The following ASIC2 variants were observed in gnomAD, a reference collection of about 807,000 sequenced individuals.
The protein encoded by ASIC2 is acid sensing ion channel subunit 2, also known as acid-sensing ion channel 2.
ASIC2 carries 25 observed loss-of-function variants against 57.3 expected under a neutral mutation model. The observed-to-expected ratio is 0.44, with a 90% CI of 0.32 to 0.61. ASIC2 has a LOEUF of 0.61. Ranked by LOEUF, ASIC2 falls within the 20% of genes least tolerant of loss-of-function variation. ASIC2 has a pLI of 0.06. For missense variants in ASIC2, 641 were observed against 738.1 expected, an observed-to-expected ratio of 0.87 and a Z score of 1.52; for synonymous variants, 319 against 307.5, an observed-to-expected ratio of 1.04 and a Z score of -0.39.
At chr17:33,118,671 T>G (rs1173840211) in intron 1 of ASIC2, among the ~76,000 whole-genome samples, 1 of 152,118 alleles carries the variant, frequency 6.6e-6, no homozygotes, top group African/African-American at 2.4e-5. Flanking sequence ...ACTTCTTATT[T>G]TGCACCTGGG....
intron 1 of ASIC2, among the ~76,000 whole-genome samples, chr17:33,907,570 A>G (rs968073938): frequency 3.3e-5 from 5 of 152,050 alleles, no homozygotes; most frequent in African/African-American, 9.7e-5. Flanking sequence ...CCTCTCTACC[A>G]TGAGCCCACC....
chr17:33,014,616 C>G (rs928701849), intron 9 of ASIC2, among the ~76,000 whole-genome samples: 1 of 151,962 alleles, frequency 6.6e-6, no homozygotes, highest in Admixed American at 6.5e-5. Context: ...CTGAGCTGGC[C>G]GCACATGAAT....
intron 1 of ASIC2, among the ~76,000 whole-genome samples, chr17:33,757,180 A>G (rs1910629524): frequency 6.6e-6 from 1 of 152,216 alleles, no homozygotes. Context: ...CCTCAGCCCC[A>G]GGAGGAGAAC....
chr17:33,994,148 G>A (rs772839194), intron 1 of ASIC2, among the ~76,000 whole-genome samples: 34 of 152,166 alleles, frequency 2.2e-4, no homozygotes, highest in Non-Finnish European at 4.0e-4. Flanking sequence ...AGAGCTGTCT[G>A]AGGCTGGTGT....
chr17:33,334,624 C>T (rs1401934666), intron 1 of ASIC2, among the ~76,000 whole-genome samples: 2 of 152,190 alleles, frequency 1.3e-5, no homozygotes, highest in East Asian at 3.8e-4. Context: ...AAGGGAGTAT[C>T]TTTAGCTCTC....
intron 1 of ASIC2, among the ~76,000 whole-genome samples, chr17:33,372,977 C>T (rs144049179): frequency 2.8e-4 from 42 of 152,232 alleles, no homozygotes; most frequent in East Asian, 1.2e-3. Context: ...TGGGTTAGGG[C>T]GTGGGAACAC....
At position 33,768,011 on chromosome 17, in the gene ASIC2, ATT is replaced by A. The variant is rs879481244; in HGVS notation, c.555+387965_555+387966del. Reference sequence around the variant, plus strand: ...TTTATTGTAAAAAGTTACATACACAATTTTTTTTTTTTTTTGAGACGGAGTCT... The same window carrying A: ...TTTATTGTAAAAAGTTACATACACAATTTTTTTTTTTTTGAGACGGAGTCT... On this transcript the variant is annotated intron_variant, in intron 1 of 9. Coordinates refer to the ASIC2 transcript ENST00000359872. Among the ~76,000 whole-genome samples the A allele has an allele frequency of 3.5e-3, 506 of 144,888 alleles. 4 individuals carry two copies. The highest frequency in any genetic ancestry group is 0.012 in the African/African-American group (474 of 39,802).
intron 1 of ASIC2, among the ~76,000 whole-genome samples, chr17:33,190,421 C>T (rs956926102): frequency 7.2e-5 from 11 of 152,166 alleles, no homozygotes; most frequent in African/African-American, 2.6e-4. Context: ...AAATGCCATG[C>T]TATTGACAGG....
At chr17:34,039,817 C>A (rs117588237) in intron 1 of ASIC2, 16,881 of 1,609,080 alleles carry the variant, frequency 0.01, 126 homozygotes, top group Middle Eastern at 0.014. Flanking sequence ...TCCAGTAAAC[C>A]TGGCCTCCAA....
At position 33,344,686 on chromosome 17, in the gene ASIC2, C is replaced by G. The variant is rs1185895111; in HGVS notation, c.556-232619G>C. Among the ~76,000 whole-genome samples, 3 of 152,114 alleles carry G rather than the reference C, an allele frequency of 2.0e-5. No individual in the cohort carries two copies. The East Asian group carries it at 5.8e-4, about 29-fold the overall frequency. The stretch of plus-strand genomic sequence containing the variant: ...CAGGGCTTCCTTGTTTATAGTAGAT[C>G]TCTCTGTGGTCTCTCCTCCCACTTA... On this transcript the variant is annotated intron_variant, in intron 1 of 9. Coordinates refer to the ASIC2 transcript ENST00000359872.
intron 1 of ASIC2, among the ~76,000 whole-genome samples, chr17:33,340,426 T>C (rs1479600175): frequency 1.3e-5 from 2 of 152,204 alleles, no homozygotes; most frequent in Admixed American, 1.3e-4. Context: ...AAATGTTGGA[T>C]ACTGCTCTCT....
intron 1 of ASIC2, among the ~76,000 whole-genome samples, chr17:33,945,192 T>A (rs1904334234): frequency 6.6e-6 from 1 of 152,168 alleles, no homozygotes; most frequent in Non-Finnish European, 1.5e-5. Flanking sequence ...ATCCCGAACC[T>A]GTTTTTCCAT....
intron 1 of ASIC2, among the ~76,000 whole-genome samples, chr17:33,732,998 T>C (rs1171934863): frequency 6.6e-6 from 1 of 152,232 alleles, no homozygotes; most frequent in African/African-American, 2.4e-5. Context: ...AAGAAATTTA[T>C]AGCATGGCAT....
intron 1 of ASIC2, among the ~76,000 whole-genome samples, chr17:34,025,370 A>C (rs1052953367): frequency 6.6e-6 from 1 of 152,206 alleles, no homozygotes; most frequent in South Asian, 2.1e-4. Flanking sequence ...AGATACCCCT[A>C]TACCTTAGAA....
At chr17:33,945,240 G>T (rs930277837) in intron 1 of ASIC2, among the ~76,000 whole-genome samples, 2 of 152,026 alleles carry the variant, frequency 1.3e-5, no homozygotes, top group African/African-American at 4.8e-5. Flanking sequence ...TCACAGAATT[G>T]TCTGCCAGAG....
intron 1 of ASIC2, among the ~76,000 whole-genome samples, chr17:33,466,449 C>G (rs534897025): frequency 2.0e-5 from 3 of 152,112 alleles, no homozygotes; most frequent in African/African-American, 7.2e-5. Flanking sequence ...CCATCCCCGT[C>G]AAGCCACCAA....
chr17:33,872,598 C>T (rs1373184046), intron 1 of ASIC2, among the ~76,000 whole-genome samples: 2 of 152,098 alleles, frequency 1.3e-5, no homozygotes, highest in Non-Finnish European at 2.9e-5. Context: ...GAATCTCACA[C>T]CCCAGAGATC....
intron 1 of ASIC2, among the ~76,000 whole-genome samples, chr17:33,471,680 A>G (rs978579239): frequency 6.6e-6 from 1 of 152,178 alleles, no homozygotes; most frequent in Admixed American, 6.5e-5. Flanking sequence ...GAATGGCCAG[A>G]CTTTTGAGAG....
At chr17:33,106,324 T>C (rs2092234111) in intron 2 of ASIC2, among the ~76,000 whole-genome samples, 1 of 152,098 alleles carries the variant, frequency 6.6e-6, no homozygotes, top group Non-Finnish European at 1.5e-5. Flanking sequence ...ATACTTGACA[T>C]ATTATCATGT....
Sources: gnomAD v4.1 joint callset for allele counts (sites outside exome capture counted in the v4.1 genomes callset) on GRCh38, gnomAD v4.1.1 for gene constraint, MANE v1.5 for transcripts, NCBI Gene and HGNC (gene_info 2026-07-23, HGNC 2026-07-21) for gene names.